The following RBFOX1 variants were observed in gnomAD, a reference collection of about 807,000 sequenced individuals.
RBFOX1 encodes RNA binding fox-1 homolog 1.
In RBFOX1, 8 loss-of-function variants were observed where a neutral mutation model predicts 57.7. The ratio of observed to expected loss-of-function variants is 0.14; its 90% CI spans 0.08 to 0.25. The LOEUF (loss-of-function observed/expected upper bound fraction) is 0.25. Among genes scored for constraint, RBFOX1 ranks in the 10% least tolerant of loss-of-function variants. The pLI, the probability that RBFOX1 is intolerant of heterozygous loss-of-function variation, is 1.00. For synonymous variants in RBFOX1, 326 were observed against 222.4 expected, an observed-to-expected ratio of 1.47 and a Z score of -4.15; for missense variants, 611 against 548.5, an observed-to-expected ratio of 1.11 and a Z score of -1.14.
In RBFOX1 at chr16:7,365,025, C is replaced by T. The variant is rs569219007; in HGVS notation, c.28-153122C>T. 5.3e-5 allele frequency among the ~76,000 whole-genome samples: 8 copies of T among 152,260 alleles called. No homozygotes were observed. The South Asian group carries it at 6.2e-4, about 12-fold the overall frequency. On this transcript the variant is annotated intron_variant, in intron 4 of 15. Transcript: ENST00000550418. The stretch of plus-strand genomic sequence containing the variant: ...CTATCTGTCTGTCTGTCTATCCATC[C>T]GTCCGTCCGTCTGTCCGTCGTCTAT...
chr16:6,846,077 C>G (rs915927072), intron 3 of RBFOX1, among the ~76,000 whole-genome samples: 2 of 152,164 alleles, frequency 1.3e-5, no homozygotes, highest in Non-Finnish European at 2.9e-5. Flanking sequence ...TGTGTCCATT[C>G]ATATTTCTGT....
chr16:6,879,899 A>T (rs2153324379), intron 3 of RBFOX1, among the ~76,000 whole-genome samples: 1 of 152,304 alleles, frequency 6.6e-6, no homozygotes, highest in East Asian at 1.9e-4. Flanking sequence ...GTTAAATCTG[A>T]TCATTTCTTT....
intron 12 of RBFOX1, among the ~76,000 whole-genome samples, chr16:7,658,410 T>C (rs2066861752): frequency 6.6e-6 from 1 of 152,106 alleles, no homozygotes; most frequent in Non-Finnish European, 1.5e-5. Context: ...GAGTAGAGTT[T>C]TCCTTATTTC....
At chr16:7,374,431 T>C (rs908194971) in intron 4 of RBFOX1, among the ~76,000 whole-genome samples, 9 of 152,340 alleles carry the variant, frequency 5.9e-5, no homozygotes, top group Non-Finnish European at 8.8e-5. Flanking sequence ...TTCTGCTCAG[T>C]TGAATAATTC....
At chr16:5,421,697 G>A (rs1328092775) in intron 1 of RBFOX1, among the ~76,000 whole-genome samples, 1 of 152,134 alleles carries the variant, frequency 6.6e-6, no homozygotes, top group Non-Finnish European at 1.5e-5. Context: ...ACATTTGAGT[G>A]GCAAAACAGA....
intron 4 of RBFOX1, among the ~76,000 whole-genome samples, chr16:7,115,461 G>C (rs2065688782): frequency 6.6e-6 from 1 of 152,212 alleles, no homozygotes; most frequent in Admixed American, 6.5e-5. Context: ...TGTGGACTGA[G>C]AGTCCGAAAG....
chr16:6,628,917 C>G (rs2098346005), intron 2 of RBFOX1, among the ~76,000 whole-genome samples: 1 of 152,104 alleles, frequency 6.6e-6, no homozygotes, highest in Non-Finnish European at 1.5e-5. Flanking sequence ...GTAGTCCCAG[C>G]TACTAGGGAG....
rs567806235 is a variant in RBFOX1 at position 5,815,010 on chromosome 16, G to GTCT, written c.319-52292_319-52290dup. ...TTCTTTCTTTTTTTTTTTAAATGAG[G>GTCT]TCTCACTCTGTTACCCAGGCTGAAG... On this transcript the variant is annotated intron_variant, in intron 3 of 19. Coordinates refer to the RBFOX1 transcript ENST00000641259. Among the ~76,000 whole-genome samples, 462 of 151,166 alleles carry GTCT rather than the reference G, an allele frequency of 3.1e-3. 4 individuals are homozygous for GTCT. Among genetic ancestry groups the GTCT allele is most frequent in the African/African-American group, 0.011 (435 of 41,146 alleles).
At chr16:7,326,406 C>T (rs868545913) in intron 4 of RBFOX1, among the ~76,000 whole-genome samples, 15 of 152,018 alleles carry the variant, frequency 9.9e-5, no homozygotes, top group African/African-American at 3.4e-4. Context: ...AGCAGTTTTA[C>T]TGGGGGGATA....
At chr16:6,897,835 G>A (rs563912757) in intron 3 of RBFOX1, among the ~76,000 whole-genome samples, 2 of 152,068 alleles carry the variant, frequency 1.3e-5, no homozygotes, top group Admixed American at 6.6e-5. Context: ...GGATTACAGA[G>A]CCCTGCAGTT....
chr16:6,766,489 G>C (rs190514508), intron 3 of RBFOX1, among the ~76,000 whole-genome samples: 2 of 152,020 alleles, frequency 1.3e-5, no homozygotes, highest in Admixed American at 6.6e-5. Context: ...TTGAGGGGGA[G>C]AGGGGAATGA....
At chr16:6,365,575 G>T (rs1164094006) in intron 2 of RBFOX1, among the ~76,000 whole-genome samples, 1 of 152,182 alleles carries the variant, frequency 6.6e-6, no homozygotes, top group African/African-American at 2.4e-5. Flanking sequence ...CTGGGGAGGG[G>T]CACTGGGGTG....
At chr16:7,453,494 C>T (rs2057821818) in intron 4 of RBFOX1, among the ~76,000 whole-genome samples, 2 of 152,146 alleles carry the variant, frequency 1.3e-5, no homozygotes, top group South Asian at 4.1e-4. Context: ...AGCATTGTAG[C>T]CTTAAAAGGA....
At chr16:7,061,705 T>A (rs891693067) in intron 4 of RBFOX1, among the ~76,000 whole-genome samples, 4 of 152,206 alleles carry the variant, frequency 2.6e-5, no homozygotes, top group Non-Finnish European at 4.4e-5. Flanking sequence ...TGCTTTATCA[T>A]TAAATCTGTA....
chr16:5,578,886 C>T (rs1346093311), intron 2 of RBFOX1, among the ~76,000 whole-genome samples: 4 of 147,512 alleles, frequency 2.7e-5, no homozygotes, highest in Non-Finnish European at 6.0e-5. Context: ...CTCACTCTGT[C>T]GCCCAGACTG....
chr16:6,179,543 G>C (rs934272098), intron 1 of RBFOX1, among the ~76,000 whole-genome samples: 1 of 152,098 alleles, frequency 6.6e-6, no homozygotes, highest in African/African-American at 2.4e-5. Context: ...TCCTGGCTTG[G>C]AGCCCTACTG....
intron 1 of RBFOX1, among the ~76,000 whole-genome samples, chr16:6,177,181 TG>T (rs2097018070): frequency 6.6e-6 from 1 of 151,098 alleles, no homozygotes; most frequent in African/African-American, 2.4e-5. Context: ...TCTCATTTCT[TG>T]TTTGTTTTTT....
chr16:6,667,783 A>T (rs1050069498), intron 3 of RBFOX1, among the ~76,000 whole-genome samples: 1 of 151,984 alleles, frequency 6.6e-6, no homozygotes, highest in Non-Finnish European at 1.5e-5. Context: ...CAGCTACTCA[A>T]ATGGCTTAAG....
intron 1 of RBFOX1, among the ~76,000 whole-genome samples, chr16:5,372,789 A>G (rs1426852657): frequency 2.6e-5 from 4 of 152,222 alleles, no homozygotes; most frequent in Non-Finnish European, 5.9e-5. Flanking sequence ...AAATGAGAAC[A>G]TTGTTCATGC....
Sources: gnomAD v4.1 joint callset for allele counts (sites outside exome capture counted in the v4.1 genomes callset) on GRCh38, gnomAD v4.1.1 for gene constraint, MANE v1.5 for transcripts, NCBI Gene and HGNC (gene_info 2026-07-23, HGNC 2026-07-21) for gene names.